The following ARID2 variants were observed in gnomAD, a reference collection of about 807,000 sequenced individuals.
The protein encoded by ARID2 is AT-rich interactive domain-containing protein 2.
In ARID2, 32 loss-of-function variants were observed where a neutral mutation model predicts 184.6. The observed-to-expected ratio is 0.17, with a 90% CI of 0.13 to 0.23. The LOEUF (loss-of-function observed/expected upper bound fraction) is 0.23, where lower values mean the gene tolerates loss of function less well. ARID2 is among the 10% of genes least tolerant of loss of function. The pLI, the probability that ARID2 is intolerant of heterozygous loss-of-function variation, is 1.00. For synonymous variants in ARID2, 836 were observed against 772.6 expected, an observed-to-expected ratio of 1.08 and a Z score of -1.36; for missense variants, 1,696 against 2,197.6, an observed-to-expected ratio of 0.77 and a Z score of 4.56.
chr12:45,902,843 A>C (rs1189258329), intron 20 of ARID2, among the ~76,000 whole-genome samples: 3 of 152,134 alleles, frequency 2.0e-5, no homozygotes, highest in Non-Finnish European at 4.4e-5. Flanking sequence ...TTGTACAACT[A>C]ATTTTTCTTT....
chr12:45,848,725 A>G, intron 12 of ARID2, 111 bp from the exon 13 acceptor site: 1 of 855,786 alleles, frequency 1.2e-6, no homozygotes, highest in Non-Finnish European at 1.6e-6. Flanking sequence ...AAATTTGATT[A>G]GTAGGTATAA....
intron 16 of ARID2, among the ~76,000 whole-genome samples, chr12:45,875,470 A>G (rs574001070): frequency 6.6e-6 from 1 of 152,368 alleles, no homozygotes; most frequent in African/African-American, 2.4e-5. Flanking sequence ...CACCAGCTGC[A>G]TTAGCTGCTA....
chr12:45,853,907 G>C lies in ARID2; in HGVS notation c.4773+1011G>C, dbSNP rs566122393. On this transcript the variant is annotated intron_variant, in intron 15 of 20. Transcript: ENST00000334344. ...TTGCTTCAGAACTAGTAGAATAACT[G>C]ACAGGTACCAGTCCGTGGCCCTTTA... 7.9e-5 allele frequency among the ~76,000 whole-genome samples: 12 copies of C among 152,336 alleles called. No homozygotes were observed. In the South Asian group the frequency reaches 2.3e-3, roughly 29 times the overall value.
chr12:45,885,968 A>G (rs77869008), intron 16 of ARID2, among the ~76,000 whole-genome samples: 1 of 152,042 alleles, frequency 6.6e-6, no homozygotes, highest in East Asian at 1.9e-4. Context: ...GCCCCTCCCA[A>G]ATCTCATGTC....
intron 3 of ARID2, among the ~76,000 whole-genome samples, chr12:45,786,573 G>A (rs184580666): frequency 6.6e-6 from 1 of 152,304 alleles, no homozygotes; most frequent in East Asian, 1.9e-4. Context: ...ATGGAAAATA[G>A]TATGGAGGTT....
intron 11 of ARID2, among the ~76,000 whole-genome samples, chr12:45,845,134 G>A (rs1477380893): frequency 1.3e-5 from 2 of 151,950 alleles, no homozygotes; most frequent in Non-Finnish European, 2.9e-5. Flanking sequence ...TTTCTACATT[G>A]TTTATAAAGA....
chr12:45,855,877 T>C (rs1323333245), intron 15 of ARID2, among the ~76,000 whole-genome samples: 2 of 151,734 alleles, frequency 1.3e-5, no homozygotes, highest in Non-Finnish European at 2.9e-5. Context: ...TGTACTGCCA[T>C]GCCCAGCTAA....
In ARID2 at chr12:45,875,639, C is replaced by G. The variant is rs1392536957; in HGVS notation, c.4922+14690C>G. Among the ~76,000 whole-genome samples the G allele has an allele frequency of 5.3e-5, 8 of 152,326 alleles. No homozygotes were observed. The East Asian group carries it at 1.2e-3, about 22-fold the overall frequency. ...TGTTGCTTAGTGTAGCATTCTTTAT[C>G]AATGATGTTAGCTAGGTCTTCTGGA... On this transcript the variant is annotated intron_variant, in intron 16 of 20. Coordinates refer to ENST00000334344, the MANE Select transcript of ARID2 (RefSeq NM_152641.4).
In ARID2 at chr12:45,757,482, A is replaced by G. The variant is rs115823897; in HGVS notation, c.284+26168A>G. ...AAACTTGCTAGATAAAATGGACCCA[A>G]CTGGGATAGTCTTGAAAAATGTTTA... On this transcript the variant is annotated intron_variant, in intron 3 of 20. Coordinates refer to ENST00000334344, the MANE Select transcript of ARID2 (RefSeq NM_152641.4). Among the ~76,000 whole-genome samples the G allele has an allele frequency of 5.9e-3, 895 of 152,276 alleles. 8 individuals are homozygous for G. Among genetic ancestry groups the G allele is most frequent in the African/African-American group, 0.021 (852 of 41,552 alleles).
rs749134453 is a variant in ARID2, at chr12:45,851,831, A to C, written c.3708A>C (p.Pro1236=). 4 of 1,614,050 alleles carry C rather than the reference A, an allele frequency of 2.5e-6. No individual in the cohort carries two copies. Residue 1236 remains proline (P), a synonymous_variant, in exon 15 of 21, where the codon CCA becomes CCC. Coordinates refer to ENST00000334344, the MANE Select transcript of ARID2 (RefSeq NM_152641.4). Reference sequence around the variant, plus strand: ...CATCATGTACTACTGCTACTCCCCCATTCAAAGGTGATAAAATAATTTGCC... The same window carrying C: ...CATCATGTACTACTGCTACTCCCCCCTTCAAAGGTGATAAAATAATTTGCC... ...GQSSCTTATP[P]FKGDKIICQK...
intron 3 of ARID2, among the ~76,000 whole-genome samples, chr12:45,792,636 G>C (rs1264749632): frequency 6.6e-6 from 1 of 152,000 alleles, no homozygotes; most frequent in Non-Finnish European, 1.5e-5. Flanking sequence ...ATTAAACTAT[G>C]ACAATTATTA....
chr12:45,853,939 G>A (rs1943600607), intron 15 of ARID2, among the ~76,000 whole-genome samples: 1 of 152,194 alleles, frequency 6.6e-6, no homozygotes, highest in Non-Finnish European at 1.5e-5. Context: ...TTTAGGAACT[G>A]GGCCACACAG....
intron 15 of ARID2, among the ~76,000 whole-genome samples, chr12:45,854,424 T>C (rs951228281): frequency 6.6e-6 from 1 of 152,228 alleles, no homozygotes; most frequent in African/African-American, 2.4e-5. Flanking sequence ...AGGGATGTTA[T>C]ATACATGGCA....
chr12:45,752,167 T>C (rs1382479448), intron 3 of ARID2, among the ~76,000 whole-genome samples: 1 of 152,200 alleles, frequency 6.6e-6, no homozygotes, highest in African/African-American at 2.4e-5. Flanking sequence ...AGGGAAAATA[T>C]CAAGCAGTGT....
rs192734106 is a variant in ARID2, at chr12:45,843,754, T to C, written c.1499-3102T>C. On this transcript the variant is annotated intron_variant, in intron 11 of 20. Coordinates refer to ENST00000334344, the MANE Select transcript of ARID2 (RefSeq NM_152641.4). ...TTATCATATACTTCAAATATATTTT[T>C]GTGAAAACCTTGACACTGCAGATTT... Among the ~76,000 whole-genome samples, 55 of 152,356 alleles carry C rather than the reference T, an allele frequency of 3.6e-4. 1 individual carries two copies. In the East Asian group the frequency reaches 7.5e-3, roughly 21 times the overall value.
intron 15 of ARID2, among the ~76,000 whole-genome samples, chr12:45,853,973 G>A (rs1007713945): frequency 2.6e-5 from 4 of 152,200 alleles, no homozygotes; most frequent in Non-Finnish European, 5.9e-5. Context: ...GCAGGTGAGC[G>A]AGTGAAGCTT....
chr12:45,904,874 T>C, intron 20 of ARID2, 60 bp from the exon 21 acceptor site: 1 of 1,578,248 alleles, frequency 6.3e-7, no homozygotes, highest in Non-Finnish European at 8.6e-7. Flanking sequence ...GCAAAATTCA[T>C]GATAAAGAGT....
At chr12:45,853,834 T>C (rs562480291) in intron 15 of ARID2, among the ~76,000 whole-genome samples, 1 of 152,244 alleles carries the variant, frequency 6.6e-6, no homozygotes, top group Admixed American at 6.5e-5. Context: ...CAAATCTAGG[T>C]GTGGGCAATA....
At position 45,892,151 on chromosome 12, in the gene ARID2, C is replaced by T. The variant is rs117006763; in HGVS notation, c.5147+55C>T. 13,860 of 1,542,740 alleles carry T rather than the reference C, an allele frequency of 9.0e-3. 90 individuals carry two copies. The highest frequency in any genetic ancestry group is 0.011 in the Non-Finnish European group (12,354 of 1,137,494). On this transcript the variant is annotated intron_variant, in intron 18 of 20. Coordinates refer to ENST00000334344, the MANE Select transcript of ARID2 (RefSeq NM_152641.4). ...ACATACAAAAAGAAACTAGGCAAAA[C>T]ACAAGAAAATGAAACGCAACTTAGC...
Sources: allele counts gnomAD v4.1 joint callset (sites outside exome capture counted in the v4.1 genomes callset), GRCh38; gene constraint gnomAD v4.1.1; transcripts MANE v1.5; gene names NCBI Gene and HGNC (gene_info 2026-07-23, HGNC 2026-07-21).